Variants in SWT1 observed in about 807,000 individuals in gnomAD.
SWT1 encodes SWT1 RNA endoribonuclease homolog.
Under a neutral mutation model 107.3 loss-of-function variants are expected in SWT1, and 33 were observed. The ratio of observed to expected loss-of-function variants is 0.31; its 90% CI spans 0.23 to 0.41. SWT1 has a LOEUF of 0.41. Ranked by LOEUF, SWT1 falls within the 10% of genes least tolerant of loss-of-function variation. SWT1 has a pLI of 1.00. For missense variants in SWT1, 898 were observed against 1,028.9 expected, an observed-to-expected ratio of 0.87 and a Z score of 1.74; for synonymous variants, 345 against 348.3, an observed-to-expected ratio of 0.99 and a Z score of 0.11.
chr1:185,182,790 A>G (rs1346315450), intron 7 of SWT1, among the ~76,000 whole-genome samples: 1 of 151,730 alleles, frequency 6.6e-6, no homozygotes, highest in East Asian at 1.9e-4. Flanking sequence ...GAAGATAATG[A>G]TAGAGATTAT....
In SWT1 at chr1:185,213,059, T is replaced by C. The variant is rs571799481; in HGVS notation, c.1973-1448T>C. Among the ~76,000 whole-genome samples the C allele has an allele frequency of 2.4e-4, 36 of 152,206 alleles. 1 individual carries two copies. Among genetic ancestry groups the C allele is most frequent in the Admixed American group, 5.9e-4 (9 of 15,270 alleles). ...TTATATAAGCATTAGACTATTTCAT[T>C]CATGTAGATTTCTTTTTTTGTTGTG... On this transcript the variant is annotated intron_variant, in intron 13 of 18. Coordinates refer to ENST00000367500, the MANE Select transcript of SWT1 (RefSeq NM_017673.7).
Position 185,174,552 on chromosome 1 carries a change from C to G in SWT1, c.405C>G (p.Ile135Met). 1.9e-6 allele frequency: 3 copies of G among 1,607,082 alleles called. No individual in the cohort carries two copies. Among genetic ancestry groups the G allele is most frequent in the Non-Finnish European group, 2.5e-6 (3 of 1,178,084 alleles). ...GTGTAGACTTTAAACCTAAAGATAT[C>G]AAATTGACAAATGCTGGGAGCAAGC... ...HKCVDFKPKDIKLTNAGSKLD... is the reference protein window; with the variant it reads ...HKCVDFKPKDMKLTNAGSKLD... Residue 135 changes from isoleucine to methionine, a missense_variant, in exon 5 of 19, where the codon ATC becomes ATG. Physicochemically the swap from Ile to Met is conservative, Grantham distance 10. Coordinates refer to ENST00000367500, the MANE Select transcript of SWT1 (RefSeq NM_017673.7).
intron 16 of SWT1, among the ~76,000 whole-genome samples, chr1:185,259,515 C>G (rs759940860): frequency 1.3e-5 from 2 of 152,088 alleles, no homozygotes; most frequent in African/African-American, 2.4e-5. Context: ...CAAAATGAGG[C>G]TGATACATCA....
At chr1:185,162,085 G>C (rs1654198102) in intron 2 of SWT1, among the ~76,000 whole-genome samples, 1 of 152,134 alleles carries the variant, frequency 6.6e-6, no homozygotes, top group Non-Finnish European at 1.5e-5. Context: ...GCAATATGTG[G>C]AAAGGCAACA....
intron 5 of SWT1, 152 bp from the exon 6 acceptor site, chr1:185,180,239 G>C (rs1655906283): frequency 3.2e-6 from 2 of 627,826 alleles, no homozygotes; most frequent in African/African-American, 3.7e-5. Flanking sequence ...CATTCTGGAG[G>C]ATAGAGGTCA....
chr1:185,225,669 C>T (rs945678040), intron 15 of SWT1, among the ~76,000 whole-genome samples: 1 of 152,098 alleles, frequency 6.6e-6, no homozygotes, highest in Non-Finnish European at 1.5e-5. Context: ...GAGCAATAGG[C>T]TATACCATAC....
chr1:185,286,468 C>T (rs889186731), intron 18 of SWT1, among the ~76,000 whole-genome samples: 7 of 152,154 alleles, frequency 4.6e-5, no homozygotes, highest in African/African-American at 1.4e-4. Flanking sequence ...TTGTGATCTG[C>T]CCGCCTCAGC....
intron 16 of SWT1, chr1:185,263,388 GATCCCATGGT>G (rs1663165461): frequency 6.6e-6 from 1 of 152,176 alleles, no homozygotes; most frequent in Non-Finnish European, 1.5e-5. Context: ...ATGAAGTTAG[GATCCCATGGT>G]CCCCCGGCCT....
At chr1:185,191,468 A>G (rs2102410182) in intron 10 of SWT1, among the ~76,000 whole-genome samples, 1 of 152,244 alleles carries the variant, frequency 6.6e-6, no homozygotes, top group East Asian at 1.9e-4. Context: ...GAGTTTTTAT[A>G]GTTTCATGAT....
chr1:185,257,630 T>G (rs1304810740), intron 16 of SWT1, among the ~76,000 whole-genome samples: 2 of 152,246 alleles, frequency 1.3e-5, no homozygotes, highest in African/African-American at 4.8e-5. Flanking sequence ...TGCCTCGCCC[T>G]GCTTCGGCTC....
chr1:185,183,651 A>C (rs1656213729), intron 7 of SWT1, among the ~76,000 whole-genome samples: 1 of 152,164 alleles, frequency 6.6e-6, no homozygotes, highest in African/African-American at 2.4e-5. Context: ...TTAGCTTATA[A>C]TTACTAAGTG....
intron 9 of SWT1, among the ~76,000 whole-genome samples, chr1:185,187,590 C>T (rs1423502699): frequency 6.6e-6 from 1 of 152,108 alleles, no homozygotes; most frequent in East Asian, 1.9e-4. Flanking sequence ...AGATATTAAA[C>T]ATCTTAATAA....
intron 18 of SWT1, among the ~76,000 whole-genome samples, chr1:185,288,595 A>G (rs1665080337): frequency 1.3e-5 from 2 of 152,176 alleles, no homozygotes. Context: ...GGTTCTCTCC[A>G]ACACCATGAA....
chr1:185,185,012 A>T, intron 9 of SWT1, 81 bp downstream of exon 9: 1 of 1,011,516 alleles, frequency 9.9e-7, no homozygotes, highest in Non-Finnish European at 1.4e-6. Context: ...ATGGTGCAAA[A>T]CTTTTAAAAC....
In SWT1 at chr1:185,208,379, A is replaced by G. The variant is rs148125084; in HGVS notation, c.1972+1616A>G. On this transcript the variant is annotated intron_variant, in intron 13 of 18. Transcript: ENST00000367500. ...GGAAGGTGCAGTGGTAGGGGATGATAAGAGATTGAGCAATATAAAAAGCTA... is the reference window on the plus strand; with the variant it reads ...GGAAGGTGCAGTGGTAGGGGATGATGAGAGATTGAGCAATATAAAAAGCTA... 4.6e-5 allele frequency among the ~76,000 whole-genome samples: 7 copies of G among 152,292 alleles called. No homozygotes were observed. The East Asian group carries it at 1.2e-3, about 25-fold the overall frequency.
At chr1:185,202,002 A>G (rs921534431) in intron 10 of SWT1, among the ~76,000 whole-genome samples, 2 of 152,116 alleles carry the variant, frequency 1.3e-5, no homozygotes, top group African/African-American at 4.8e-5. Flanking sequence ...TAGTGTGACC[A>G]AACTACTATG....
chr1:185,173,677 C>T (rs1008123836), intron 4 of SWT1, among the ~76,000 whole-genome samples: 6 of 151,944 alleles, frequency 3.9e-5, no homozygotes, highest in Non-Finnish European at 8.8e-5. Context: ...CCACTGCACT[C>T]CAGCCTGGTG....
intron 12 of SWT1, among the ~76,000 whole-genome samples, chr1:185,205,079 A>G (rs895728743): frequency 6.7e-6 from 1 of 150,356 alleles, no homozygotes; most frequent in African/African-American, 2.4e-5. Context: ...TTGAGCAAAC[A>G]GATATTTATT....
chr1:185,240,085 A>C (rs1038219632), intron 16 of SWT1, among the ~76,000 whole-genome samples: 3 of 152,080 alleles, frequency 2.0e-5, no homozygotes, highest in African/African-American at 7.2e-5. Context: ...CAAGTGTTGT[A>C]GATATGTTTC....
Sources: gnomAD v4.1 joint callset for allele counts (sites outside exome capture counted in the v4.1 genomes callset) on GRCh38, gnomAD v4.1.1 for gene constraint, MANE v1.5 for transcripts, NCBI Gene and HGNC (gene_info 2026-07-23, HGNC 2026-07-21) for gene names.